CNTNAP5: variants seen among roughly 807,000 people sequenced by gnomAD.
CNTNAP5 encodes the protein contactin-associated protein-like 5.
A neutral mutation model predicts 150.2 loss-of-function variants in CNTNAP5; 72 were observed. That is an observed-to-expected ratio of 0.48 (90% confidence interval 0.40 to 0.58). The LOEUF (loss-of-function observed/expected upper bound fraction) is 0.58. Among genes scored for constraint, CNTNAP5 ranks in the 20% least tolerant of loss-of-function variants. The pLI is 0.00. For missense variants in CNTNAP5, 1,636 were observed against 1,626.2 expected (o/e 1.01, Z -0.10); for synonymous variants, 672 against 619.8 (o/e 1.08, Z -1.25).
Position 124,832,322 on chromosome 2 carries a change from C to T in CNTNAP5, c.3218-32984C>T, listed in dbSNP as rs1682733002. On this transcript the variant is annotated intron_variant, in intron 19 of 23. Coordinates refer to ENST00000682447, the MANE Select transcript of CNTNAP5 (RefSeq NM_001367498.1). ...CGTTTATTTATGCATCTACTTAGTA[C>T]CATATGACACAACATACAGAATAAT... Among the ~76,000 whole-genome samples, 4 of 152,134 alleles carry T rather than the reference C, an allele frequency of 2.6e-5. No individual in the cohort carries two copies. The South Asian group carries it at 8.3e-4, about 32-fold the overall frequency.
intron 13 of CNTNAP5, among the ~76,000 whole-genome samples, chr2:124,729,193 A>G (rs1476889705): frequency 6.6e-6 from 1 of 152,080 alleles, no homozygotes; most frequent in Non-Finnish European, 1.5e-5. Flanking sequence ...TCCCAATGAG[A>G]GGAATATCAG....
At chr2:124,035,340 A>C (rs1308344003) in intron 1 of CNTNAP5, among the ~76,000 whole-genome samples, 1 of 151,240 alleles carries the variant, frequency 6.6e-6, no homozygotes, top group Non-Finnish European at 1.5e-5. Context: ...CTTTCTTTCT[A>C]ATCCTCTTTT....
chr2:124,034,595 A>G (rs1573705977), intron 1 of CNTNAP5, among the ~76,000 whole-genome samples: 1 of 152,240 alleles, frequency 6.6e-6, no homozygotes, highest in Non-Finnish European at 1.5e-5. Flanking sequence ...CTGCTAGCTG[A>G]GAAACTCACA....
At chr2:124,554,174 C>T (rs757736704) in intron 10 of CNTNAP5, among the ~76,000 whole-genome samples, 1 of 151,636 alleles carries the variant, frequency 6.6e-6, no homozygotes, top group Non-Finnish European at 1.5e-5. Flanking sequence ...GTCTAAGGGA[C>T]CTTTGGAAAT....
At chr2:124,519,336 T>C (rs976994806) in intron 8 of CNTNAP5, among the ~76,000 whole-genome samples, 3 of 152,198 alleles carry the variant, frequency 2.0e-5, no homozygotes, top group Admixed American at 1.3e-4. Flanking sequence ...ACATATATGG[T>C]ATGTGAATTT....
chr2:124,246,569 G>C (rs1425025518), intron 3 of CNTNAP5, among the ~76,000 whole-genome samples: 1 of 152,126 alleles, frequency 6.6e-6, no homozygotes, highest in Non-Finnish European at 1.5e-5. Context: ...GGTAAAGTGG[G>C]TAAACTTGTT....
chr2:124,209,707 G>A (rs1262821245), intron 1 of CNTNAP5, among the ~76,000 whole-genome samples: 1 of 151,978 alleles, frequency 6.6e-6, no homozygotes, highest in Non-Finnish European at 1.5e-5. Context: ...AGTAAGATGG[G>A]GCCTCAAAGA....
intron 1 of CNTNAP5, among the ~76,000 whole-genome samples, chr2:124,118,825 C>T (rs191597185): frequency 6.6e-6 from 1 of 152,160 alleles, no homozygotes; most frequent in South Asian, 2.1e-4. Flanking sequence ...GTATTTTAGA[C>T]AGTTCAGTTT....
At chr2:124,122,191 C>T (rs538653679) in intron 1 of CNTNAP5, among the ~76,000 whole-genome samples, 1 of 152,196 alleles carries the variant, frequency 6.6e-6, no homozygotes, top group South Asian at 2.1e-4. Context: ...GGGAACAATG[C>T]CAGAACCCTA....
At chr2:124,499,799 C>T (rs745874300) in intron 7 of CNTNAP5, among the ~76,000 whole-genome samples, 20 of 152,106 alleles carry the variant, frequency 1.3e-4, no homozygotes, top group Non-Finnish European at 4.4e-5. Context: ...AATCAGTGTT[C>T]TCCAGAAAAG....
chr2:124,116,764 G>A (rs1392962221), intron 1 of CNTNAP5, among the ~76,000 whole-genome samples: 4 of 152,162 alleles, frequency 2.6e-5, no homozygotes, highest in African/African-American at 9.7e-5. Context: ...TTAAAGGAGT[G>A]GACATCCTTC....
At chr2:124,534,153 A>C (rs1013498943) in intron 10 of CNTNAP5, among the ~76,000 whole-genome samples, 1 of 152,160 alleles carries the variant, frequency 6.6e-6, no homozygotes, top group Non-Finnish European at 1.5e-5. Flanking sequence ...ATGATAGGCC[A>C]TGGAAAAGTG....
chr2:124,366,032 G>A (rs1209919367), intron 3 of CNTNAP5, among the ~76,000 whole-genome samples: 1 of 152,124 alleles, frequency 6.6e-6, no homozygotes, highest in African/African-American at 2.4e-5. Flanking sequence ...TACATTACAG[G>A]TATTTTTAAC....
intron 1 of CNTNAP5, among the ~76,000 whole-genome samples, chr2:124,198,433 T>C (rs1301136916): frequency 6.6e-6 from 1 of 152,266 alleles, no homozygotes; most frequent in East Asian, 1.9e-4. Flanking sequence ...ACTTTGATTT[T>C]AGAATCAAGC....
intron 13 of CNTNAP5, among the ~76,000 whole-genome samples, chr2:124,742,777 C>G (rs1680524443): frequency 6.6e-6 from 1 of 151,450 alleles, no homozygotes; most frequent in African/African-American, 2.4e-5. Flanking sequence ...TTTTTTATAC[C>G]CTGCTTACAG....
chr2:124,128,402 T>C (rs150960661), intron 1 of CNTNAP5, among the ~76,000 whole-genome samples: 3,860 of 152,144 alleles, frequency 0.025, 184 homozygotes, highest in African/African-American at 0.087. Flanking sequence ...CATTAAAAAG[T>C]CAGGAAAGAA....
intron 3 of CNTNAP5, among the ~76,000 whole-genome samples, chr2:124,398,670 A>AT (rs1558883364): frequency 1.3e-5 from 2 of 151,608 alleles, no homozygotes; most frequent in South Asian, 4.2e-4. Context: ...CTAGTTTTGT[A>AT]TTTTTTCTCC....
At chr2:124,865,483 T>C in intron 20 of CNTNAP5, 47 bp downstream of exon 20, 2 of 1,533,256 alleles carry the variant, frequency 1.3e-6, no homozygotes, top group Non-Finnish European at 8.8e-7. Flanking sequence ...CCTTGGCTAC[T>C]CTATCAAACT....
chr2:124,237,183 A>G (rs1186151479), intron 2 of CNTNAP5, among the ~76,000 whole-genome samples: 2 of 152,134 alleles, frequency 1.3e-5, no homozygotes, highest in African/African-American at 2.4e-5. Flanking sequence ...CTATGCTGCT[A>G]TGTGTGTGTA....
Sources: gnomAD v4.1 joint callset for allele counts (sites outside exome capture counted in the v4.1 genomes callset) on GRCh38, gnomAD v4.1.1 for gene constraint, MANE v1.5 for transcripts, NCBI Gene and HGNC (gene_info 2026-07-23, HGNC 2026-07-21) for gene names.